Variants in UQCRH observed in about 807,000 individuals in gnomAD.
UQCRH encodes the protein ubiquinol-cytochrome c reductase hinge protein, also known as cytochrome b-c1 complex subunit 6, mitochondrial.
UQCRH carries 14 observed loss-of-function variants against 16.3 expected under a neutral mutation model. That is an observed-to-expected ratio of 0.86 (90% CI 0.57 to 1.34). The LOEUF (loss-of-function observed/expected upper bound fraction) is 1.34, where lower values mean the gene tolerates loss of function less well. Ranked by LOEUF, UQCRH falls within the 40% of genes most tolerant of loss-of-function variation. The probability of loss-of-function intolerance (pLI) is 0.00; values close to 1 mark genes in which losing one functional copy is unlikely to be tolerated. For synonymous variants in UQCRH, 41 were observed against 41.9 expected, an observed-to-expected ratio of 0.98 and a Z score of 0.08; for missense variants, 89 against 111.9, an observed-to-expected ratio of 0.80 and a Z score of 0.92.
At chr1:46,316,440 G>A in intron 3 of UQCRH, 112 bp from the exon 4 acceptor site, 1 of 1,422,724 alleles carries the variant, frequency 7.0e-7, no homozygotes, top group Non-Finnish European at 9.7e-7. Context: ...TTGCCTATGT[G>A]AGAAGGGGAG....
At position 46,314,599 on chromosome 1, in the gene UQCRH, G is replaced by A. The variant is rs547929411; in HGVS notation, c.244-1953G>A. On this transcript the variant is annotated intron_variant, in intron 3 of 3. Coordinates refer to ENST00000311672, the MANE Select transcript of UQCRH (RefSeq NM_006004.4). ...GAGACAGGAGAATTGCTTGAACCCC[G>A]GAGGTGGAGGCTGCGGTGAGCCAAA... Among the ~76,000 whole-genome samples, 4 of 151,890 alleles carry A rather than the reference G, an allele frequency of 2.6e-5. No homozygotes were observed. The South Asian group carries it at 6.2e-4, about 24-fold the overall frequency.
At chr1:46,311,091 A>T (rs1251184583) in intron 3 of UQCRH, among the ~76,000 whole-genome samples, 6 of 149,368 alleles carry the variant, frequency 4.0e-5, no homozygotes, top group Non-Finnish European at 8.9e-5. Context: ...AAAAAAAAAT[A>T]ATAATAATAA....
At chr1:46,305,376 A>G (rs1661352374) in intron 1 of UQCRH, among the ~76,000 whole-genome samples, 2 of 151,592 alleles carry the variant, frequency 1.3e-5, no homozygotes, top group African/African-American at 4.9e-5. Flanking sequence ...CACCGCTGCA[A>G]TAGATGAGAA....
In UQCRH at chr1:46,310,336, G is replaced by T; in HGVS notation, c.243+20G>T. ...CATTGCGTAAGTCAGTGGGAAGTCA[G>T]GAAGGGGAAAGGTTGCAATGGTCAG... On this transcript the variant is annotated intron_variant, in intron 3 of 3. Transcript: ENST00000311672. 6.2e-7 allele frequency: 1 copy of T among 1,613,962 alleles called. No homozygotes were observed. The highest frequency in any genetic ancestry group is 1.1e-5 in the South Asian group (1 of 91,080).
chr1:46,303,959 C>T (rs1661310688), intron 1 of UQCRH, 139 bp downstream of exon 1: 1 of 1,090,936 alleles, frequency 9.2e-7, no homozygotes, highest in Non-Finnish European at 1.3e-6. Context: ...TTCCCTCGAC[C>T]TTTCCCCAGA....
Position 46,310,169 on chromosome 1 carries a change from A to C in UQCRH, c.96A>C (p.Thr32=), listed in dbSNP as rs761559224. The C allele has an allele frequency of 6.2e-7, 1 of 1,614,222 alleles. No homozygotes were observed. Among genetic ancestry groups the C allele is most frequent in the Admixed American group, 1.7e-5 (1 of 60,028 alleles). Residue 32 remains threonine (T), a synonymous_variant, in exon 3 of 4, where the codon ACA becomes ACC. Coordinates refer to ENST00000311672, the MANE Select transcript of UQCRH (RefSeq NM_006004.4). ...EEEELVDPLT[T]VREQCEQLEK... ...TTCTACATCAGGATCCCCTAACAAC[A>C]GTGAGAGAGCAATGCGAGCAGTTGG...
intron 3 of UQCRH, among the ~76,000 whole-genome samples, chr1:46,315,215 C>T (rs925532288): frequency 1.3e-5 from 2 of 152,180 alleles, no homozygotes; most frequent in Non-Finnish European, 1.5e-5. Flanking sequence ...GAGGCTGAGG[C>T]ACGTGGATCA....
chr1:46,316,635 T>C lies in UQCRH; in HGVS notation c.*51T>C, dbSNP rs1180531861. The stretch of plus-strand genomic sequence containing the variant: ...CTTCATCATCTGGGCATCAGAATAT[T>C]TCCTTATGGTTTTGGATGTACCATT... On this transcript the variant is annotated 3_prime_UTR_variant, in exon 4 of 4. Transcript: ENST00000311672. 6.2e-7 allele frequency: 1 copy of C among 1,608,396 alleles called. No individual in the cohort carries two copies.
intron 1 of UQCRH, among the ~76,000 whole-genome samples, chr1:46,304,565 T>C (rs957635224): frequency 6.6e-6 from 1 of 152,076 alleles, no homozygotes; most frequent in Non-Finnish European, 1.5e-5. Flanking sequence ...TTTGTGTTTT[T>C]AGTAGCGACG....
intron 3 of UQCRH, among the ~76,000 whole-genome samples, chr1:46,311,604 T>G (rs1253994448): frequency 6.6e-6 from 1 of 151,848 alleles, no homozygotes; most frequent in Non-Finnish European, 1.5e-5. Context: ...AGGTTGCTTT[T>G]TTTTTTGAGA....
intron 1 of UQCRH, among the ~76,000 whole-genome samples, chr1:46,304,359 A>G (rs964337082): frequency 6.6e-6 from 1 of 151,328 alleles, no homozygotes; most frequent in Middle Eastern, 3.2e-3. Flanking sequence ...ACTGCTTGCT[A>G]TTCCAAGTGC....
intron 3 of UQCRH, among the ~76,000 whole-genome samples, chr1:46,313,441 A>G (rs1661518301): frequency 6.6e-6 from 1 of 152,088 alleles, no homozygotes; most frequent in African/African-American, 2.4e-5. Flanking sequence ...AGCCTGGCCA[A>G]TATGGTGAAA....
intron 3 of UQCRH, among the ~76,000 whole-genome samples, chr1:46,314,595 C>A (rs1010050546): frequency 1.3e-5 from 2 of 151,770 alleles, no homozygotes; most frequent in Non-Finnish European, 2.9e-5. Context: ...ATTGCTTGAA[C>A]CCCGGAGGTG....
intron 1 of UQCRH, among the ~76,000 whole-genome samples, chr1:46,307,237 G>T (rs1319283555): frequency 6.6e-6 from 1 of 152,138 alleles, no homozygotes; most frequent in Non-Finnish European, 1.5e-5. Flanking sequence ...TAGAGACGGG[G>T]TTTCACCATG....
At chr1:46,304,336 G>A (rs986152482) in intron 1 of UQCRH, among the ~76,000 whole-genome samples, 1 of 152,104 alleles carries the variant, frequency 6.6e-6, no homozygotes. Context: ...AAAGAGTGCT[G>A]CTATAATTAT....
In UQCRH at chr1:46,303,775, G is replaced by A. The variant is rs1269451720; in HGVS notation, c.9G>A (p.Leu3=). The change falls in exon 1 of 4, where the codon CTG becomes CTA. Residue 3 remains leucine (L), a synonymous_variant. Transcript: ENST00000311672. ...TAGAACCGTAGCCAGACATGGGACT[G>A]GAGGACGAGCAAAAGATGCTTACCG... is the stretch of plus-strand genomic sequence containing the variant. MG[L]EDEQKMLTES... is the part of the protein sequence containing the mutation. 1 of 1,614,068 alleles carries A rather than the reference G, an allele frequency of 6.2e-7. No homozygotes were observed. Among genetic ancestry groups the A allele is most frequent in the Non-Finnish European group, 8.5e-7 (1 of 1,180,028 alleles).
Position 46,309,059 on chromosome 1 carries a change from C to T in UQCRH, c.55-42C>T, listed in dbSNP as rs1243809155. 4 of 1,605,316 alleles carry T rather than the reference C, an allele frequency of 2.5e-6. No individual in the cohort carries two copies. The African/African-American group carries it at 5.4e-5, about 21-fold the overall frequency. On this transcript the variant is annotated intron_variant, in intron 1 of 3. Transcript: ENST00000311672. ...TCAGTATGATCAGGAATAAATATGT[C>T]ATAAAATTGCTGCTGACATTAATTT...
chr1:46,309,179 T>G, intron 2 of UQCRH, 52 bp downstream of exon 2: 3 of 1,586,192 alleles, frequency 1.9e-6, no homozygotes, highest in Non-Finnish European at 2.6e-6. Flanking sequence ...GGGTTTGAGC[T>G]TCATGAAATT....
chr1:46,312,391 C>T (rs781011506), intron 3 of UQCRH, among the ~76,000 whole-genome samples: 1 of 152,030 alleles, frequency 6.6e-6, no homozygotes, highest in African/African-American at 2.4e-5. Flanking sequence ...AGGCGTGAGC[C>T]ACCGCACCTG....
Sources: gnomAD v4.1 joint callset for allele counts (sites outside exome capture counted in the v4.1 genomes callset) on GRCh38, gnomAD v4.1.1 for gene constraint, MANE v1.5 for transcripts, NCBI Gene and HGNC (gene_info 2026-07-23, HGNC 2026-07-21) for gene names.